The following GDAP1L1 variants were observed in gnomAD, a reference collection of about 807,000 sequenced individuals.
GDAP1L1 encodes the protein ganglioside induced differentiation associated protein 1 like 1.
A neutral mutation model predicts 37.1 loss-of-function variants in GDAP1L1; 21 were observed. That is an observed-to-expected ratio of 0.57 (90% CI 0.40 to 0.81). The LOEUF is 0.81. GDAP1L1 is among the 40% of genes least tolerant of loss of function. The pLI is 0.00. For synonymous variants in GDAP1L1, 193 were observed against 209.1 expected (o/e 0.92, Z 0.67); for missense variants, 362 against 491.6 (o/e 0.74, Z 2.49).
At position 44,270,835 on chromosome 20, in the gene GDAP1L1, G is replaced by A. The variant is rs114079083; in HGVS notation, c.760+6276G>A. Among the ~76,000 whole-genome samples the A allele has an allele frequency of 1.8e-3, 275 of 152,314 alleles. 1 individual carries two copies. The highest frequency in any genetic ancestry group is 5.4e-3 in the African/African-American group (226 of 41,562). ...ACGCAGAAGCCACAATGTCTTTTAT[G>A]ATCTACTGCTGGAAGTCACTCTGCC... On this transcript the variant is annotated intron_variant, in intron 5 of 5. Transcript: ENST00000342560.
intron 3 of GDAP1L1, among the ~76,000 whole-genome samples, chr20:44,261,059 A>C (rs1427441053): frequency 6.6e-6 from 1 of 152,170 alleles, no homozygotes. Flanking sequence ...CCTAGAAGGC[A>C]CTGGGAGTCC....
chr20:44,252,280 G>C (rs2073459479), intron 1 of GDAP1L1, among the ~76,000 whole-genome samples: 1 of 152,154 alleles, frequency 6.6e-6, no homozygotes, highest in Non-Finnish European at 1.5e-5. Flanking sequence ...GGGAGGCCAA[G>C]GTGGGTGGAT....
intron 3 of GDAP1L1, 150 bp from the exon 4 acceptor site, chr20:44,263,080 C>T: frequency 2.9e-6 from 2 of 681,098 alleles, no homozygotes; most frequent in Non-Finnish European, 5.3e-6. Flanking sequence ...CACTACGGCA[C>T]AGCCTGCAGT....
chr20:44,272,779 T>G (rs145726176), intron 5 of GDAP1L1, among the ~76,000 whole-genome samples: 167 of 152,326 alleles, frequency 1.1e-3, no homozygotes, highest in African/African-American at 3.8e-3. Flanking sequence ...AACATAATAG[T>G]GAACATGTCT....
Position 44,257,340 on chromosome 20 carries a change from C to T in GDAP1L1, c.368C>T (p.Thr123Ile). The T allele has an allele frequency of 6.2e-7, 1 of 1,612,916 alleles. No individual in the cohort carries two copies. Among genetic ancestry groups the T allele is most frequent in the African/African-American group, 1.3e-5 (1 of 75,032 alleles). Reference protein sequence around the residue: ...QIIDYVERTFTGEHVVALMPE... With the variant: ...QIIDYVERTFIGEHVVALMPE... ...ATTGACTATGTGGAGCGCACCTTCACAGGAGGTACGGCTGCCTCCCCACCC... is the reference window on the plus strand; with the variant it reads ...ATTGACTATGTGGAGCGCACCTTCATAGGAGGTACGGCTGCCTCCCCACCC... The change falls in exon 2 of 6, where the codon ACA (threonine) becomes ATA (isoleucine). Residue 123 changes from threonine to isoleucine, a missense_variant. Transcript: ENST00000342560.
intron 1 of GDAP1L1, among the ~76,000 whole-genome samples, chr20:44,250,856 G>T (rs965834857): frequency 6.6e-6 from 1 of 152,106 alleles, no homozygotes; most frequent in Non-Finnish European, 1.5e-5. Flanking sequence ...AGGAGACCAA[G>T]GTTCTAGTGC....
At chr20:44,258,143 G>T (rs1021156997) in intron 2 of GDAP1L1, 3 of 717,392 alleles carry the variant, frequency 4.2e-6, no homozygotes, top group Non-Finnish European at 7.8e-6. Flanking sequence ...CAAGCATTGA[G>T]CACCCAGGTT....
chr20:44,270,816 A>C (rs2062507379), intron 5 of GDAP1L1, among the ~76,000 whole-genome samples: 1 of 152,220 alleles, frequency 6.6e-6, no homozygotes, highest in African/African-American at 2.4e-5. Flanking sequence ...GAAGACGCAG[A>C]AGCCACAATG....
At chr20:44,247,113 A>T, upstream of GDAP1L1, 1 of 587,130 alleles carries the variant, frequency 1.7e-6, no homozygotes, top group Non-Finnish European at 3.0e-6. Context: ...GGAGCCTGAC[A>T]CTGAGGGCTG....
Position 44,247,456 on chromosome 20 carries a change from A to G in GDAP1L1, c.122A>G (p.His41Arg). 1.2e-6 allele frequency: 2 copies of G among 1,606,226 alleles called. No individual in the cohort carries two copies. Among genetic ancestry groups the G allele is most frequent in the South Asian group, 1.1e-5 (1 of 89,838 alleles). The change falls in exon 1 of 6, where the codon CAT (histidine) becomes CGT (arginine). Residue 41 changes from histidine (H) to arginine (R), a missense_variant. Around this residue, in one of 2 missense-constraint regions of GDAP1L1, gnomAD observed 277 missense variants for 337.1 expected, o/e 0.82. Coordinates refer to ENST00000342560, the MANE Select transcript of GDAP1L1 (RefSeq NM_024034.6). ...GCTCCCGAGGCGGCCAGCCCCGCCC[A>G]TTGGCCCAGGGAGAGCCTGGTTCTG... ...PDAPEAASPA[H>R]WPRESLVLYH...
intron 5 of GDAP1L1, among the ~76,000 whole-genome samples, chr20:44,271,993 C>T (rs894905108): frequency 6.6e-6 from 1 of 152,204 alleles, no homozygotes; most frequent in Non-Finnish European, 1.5e-5. Flanking sequence ...TGGTCACTGC[C>T]AGCCGTGATG....
At chr20:44,268,494 C>G (rs2062479246) in intron 5 of GDAP1L1, among the ~76,000 whole-genome samples, 1 of 152,122 alleles carries the variant, frequency 6.6e-6, no homozygotes, top group Non-Finnish European at 1.5e-5. Flanking sequence ...AGACCTCATT[C>G]TTGGTTTCAT....
At position 44,280,005 on chromosome 20, in the gene GDAP1L1, C is replaced by T. The variant is rs1205310475; in HGVS notation, c.*705C>T. Reference sequence around the variant, plus strand: ...CTCTGAAGGCAGCAGCCATCATCCTCTTCCTACCTTGAGTTTTTCTACCCT... The same window carrying T: ...CTCTGAAGGCAGCAGCCATCATCCTTTTCCTACCTTGAGTTTTTCTACCCT... On this transcript the variant is annotated 3_prime_UTR_variant, in exon 6 of 6. Coordinates refer to ENST00000342560, the MANE Select transcript of GDAP1L1 (RefSeq NM_024034.6). 2 of 344,126 alleles carry T rather than the reference C, an allele frequency of 5.8e-6. No individual in the cohort carries two copies. Among genetic ancestry groups the T allele is most frequent in the Non-Finnish European group, 1.1e-5 (2 of 174,880 alleles). 21.3% of individuals were successfully genotyped at this position (344,126 alleles called of 1,614,324 possible).
Position 44,247,373 on chromosome 20 carries a change from C to T in GDAP1L1, c.39C>T (p.Ser13=). 1 of 1,613,524 alleles carries T rather than the reference C, an allele frequency of 6.2e-7. No homozygotes were observed. Among genetic ancestry groups the T allele is most frequent in the Non-Finnish European group, 8.5e-7 (1 of 1,179,866 alleles). Residue 13 remains serine, a synonymous_variant, in exon 1 of 6, where the codon AGC becomes AGT. Coordinates refer to ENST00000342560, the MANE Select transcript of GDAP1L1 (RefSeq NM_024034.6). ...ACAATCTGACCCCCACCAACTGCAG[C>T]TGGTGGCCCATCTCCGCGCTGGAGA... ...TPNNLTPTNC[S]WWPISALESD... is the part of the protein sequence containing the mutation.
chr20:44,264,455 T>C lies in GDAP1L1; in HGVS notation c.656T>C (p.Leu219Ser), dbSNP rs773405574. ...CTGTCCTGCCCCCAGGCCAAGATCT[T>C]GGAGCATGATGATGTGAGCTACCTG... ...SKQKKLMAKI[L>S]EHDDVSYLKK... The change falls in exon 5 of 6, where the codon TTG (leucine) becomes TCG (serine). Residue 219 changes from leucine to serine, a missense_variant. This residue lies in a region of GDAP1L1 where 277 missense variants were observed against 337.1 expected (regional missense o/e 0.82). Transcript: ENST00000342560. The C allele has an allele frequency of 2.0e-6, 3 of 1,505,130 alleles. No homozygotes were observed. The South Asian group carries it at 4.1e-5, about 21-fold the overall frequency. The allele number at this position is 1,505,130 out of a possible 1,614,324, so 93.2% of individuals were successfully genotyped here. A position where few individuals can be genotyped will look rare whatever the true frequency, so the allele number is the denominator to read the frequency against.
intron 3 of GDAP1L1, among the ~76,000 whole-genome samples, chr20:44,259,288 G>A (rs547453275): frequency 6.6e-6 from 1 of 152,128 alleles, no homozygotes; most frequent in African/African-American, 2.4e-5. Flanking sequence ...TACAGACTAC[G>A]ATCCAGGCTT....
At chr20:44,277,117 C>T (rs1166236683) in intron 5 of GDAP1L1, among the ~76,000 whole-genome samples, 1 of 152,116 alleles carries the variant, frequency 6.6e-6, no homozygotes, top group Non-Finnish European at 1.5e-5. Context: ...TTCCGCCTCC[C>T]GGGTTCAAGC....
chr20:44,252,942 T>C (rs2073474162), intron 1 of GDAP1L1, among the ~76,000 whole-genome samples: 1 of 152,202 alleles, frequency 6.6e-6, no homozygotes, highest in Non-Finnish European at 1.5e-5. Flanking sequence ...ATGTCCAACA[T>C]GCTTAGAGCC....
chr20:44,266,453 C>T (rs1455846923), intron 5 of GDAP1L1, among the ~76,000 whole-genome samples: 3 of 151,928 alleles, frequency 2.0e-5, no homozygotes, highest in Non-Finnish European at 4.4e-5. Context: ...AGTCCCAGCT[C>T]TGCCATGCTC....
Sources: allele counts gnomAD v4.1 joint callset (sites outside exome capture counted in the v4.1 genomes callset), GRCh38; gene constraint gnomAD v4.1.1; regional missense constraint gnomAD v4.1.1; transcripts MANE v1.5; gene names NCBI Gene and HGNC (gene_info 2026-07-23, HGNC 2026-07-21).